The following COMMD10 variants were observed in gnomAD, a reference collection of about 807,000 sequenced individuals.
COMMD10 encodes the protein COMM domain containing 10.
In COMMD10, 33 loss-of-function variants were observed where a neutral mutation model predicts 28.9. That is an observed-to-expected ratio of 1.14 (90% CI 0.87 to 1.53). The LOEUF is 1.53. Ranked by LOEUF, COMMD10 falls within the 40% of genes most tolerant of loss-of-function variation. The probability of loss-of-function intolerance (pLI) is 0.00; values close to 1 mark genes in which losing one functional copy is unlikely to be tolerated. For missense variants in COMMD10, 310 were observed against 233.4 expected (o/e 1.33, Z -2.14); for synonymous variants, 110 against 81.7 (o/e 1.35, Z -1.87).
intron 5 of COMMD10, among the ~76,000 whole-genome samples, chr5:116,284,454 G>A (rs1183788303): frequency 6.6e-6 from 1 of 151,832 alleles, no homozygotes; most frequent in Non-Finnish European, 1.5e-5. Flanking sequence ...ACTCACAGCT[G>A]TCGTTTATGC....
chr5:116,167,035 G>A (rs534926762), intron 5 of COMMD10, among the ~76,000 whole-genome samples: 38 of 152,096 alleles, frequency 2.5e-4, no homozygotes, highest in Non-Finnish European at 4.1e-4. Context: ...CAGAAAATGG[G>A]TTATAACAAA....
intron 5 of COMMD10, among the ~76,000 whole-genome samples, chr5:116,161,970 CAGA>C (rs1752932736): frequency 6.6e-6 from 1 of 152,124 alleles, no homozygotes; most frequent in Admixed American, 6.5e-5. Flanking sequence ...AATGAGAAAC[CAGA>C]AGTTTTTCTC....
chr5:116,217,637 T>C (rs1322639971), intron 5 of COMMD10, among the ~76,000 whole-genome samples: 1 of 152,166 alleles, frequency 6.6e-6, no homozygotes, highest in East Asian at 1.9e-4. Context: ...CCAACAGATG[T>C]CTGGGCTTAA....
chr5:116,279,849 T>A (rs766586058), intron 5 of COMMD10, among the ~76,000 whole-genome samples: 3 of 151,786 alleles, frequency 2.0e-5, no homozygotes, highest in Admixed American at 6.6e-5. Context: ...CCTCTTATTA[T>A]TAAGACAGTG....
At chr5:116,273,741 T>C (rs1750820884) in intron 5 of COMMD10, among the ~76,000 whole-genome samples, 1 of 151,702 alleles carries the variant, frequency 6.6e-6, no homozygotes, top group Non-Finnish European at 1.5e-5. Context: ...GCCTTTGACT[T>C]CTGTTTGTAG....
chr5:116,239,293 C>T (rs150871085), intron 5 of COMMD10, among the ~76,000 whole-genome samples: 1 of 152,242 alleles, frequency 6.6e-6, no homozygotes, highest in East Asian at 1.9e-4. Flanking sequence ...CTATTTCTCC[C>T]ATCAGAACTT....
At chr5:116,255,194 C>G (rs1242652895) in intron 5 of COMMD10, among the ~76,000 whole-genome samples, 1 of 151,700 alleles carries the variant, frequency 6.6e-6, no homozygotes, top group Non-Finnish European at 1.5e-5. Flanking sequence ...ATGTGTGTCT[C>G]TGCCCGTGAG....
At chr5:116,116,876 C>T (rs905779315) in intron 4 of COMMD10, among the ~76,000 whole-genome samples, 2 of 152,142 alleles carry the variant, frequency 1.3e-5, no homozygotes, top group South Asian at 2.1e-4. Context: ...ATTGTTCAGT[C>T]TGATGGGTTT....
chr5:116,233,974 T>C (rs772147095), intron 5 of COMMD10, among the ~76,000 whole-genome samples: 2 of 152,232 alleles, frequency 1.3e-5, no homozygotes, highest in Non-Finnish European at 2.9e-5. Context: ...AGTTTTTACA[T>C]TAACAGAAGA....
chr5:116,146,706 T>G (rs1752361288), intron 5 of COMMD10, among the ~76,000 whole-genome samples: 1 of 151,880 alleles, frequency 6.6e-6, no homozygotes, highest in African/African-American at 2.4e-5. Context: ...GATTTTAGTC[T>G]TTTCAGATTT....
intron 5 of COMMD10, among the ~76,000 whole-genome samples, chr5:116,185,232 A>C (rs1166780620): frequency 7.8e-6 from 1 of 128,218 alleles, no homozygotes; most frequent in Non-Finnish European, 1.5e-5. Flanking sequence ...TAGAATTTTT[A>C]CTTTTTTTTC....
chr5:116,233,237 C>T (rs1749572780), intron 5 of COMMD10, among the ~76,000 whole-genome samples: 1 of 151,974 alleles, frequency 6.6e-6, no homozygotes, highest in Admixed American at 6.6e-5. Flanking sequence ...ATTCTCATGA[C>T]TCTTATTACA....
chr5:116,250,379 T>C (rs1750075664), intron 5 of COMMD10, among the ~76,000 whole-genome samples: 1 of 151,652 alleles, frequency 6.6e-6, no homozygotes, highest in Admixed American at 6.6e-5. Flanking sequence ...GGCGTTTTTA[T>C]TTGTTTAGTT....
intron 5 of COMMD10, chr5:116,217,990 C>T: frequency 4.3e-6 from 4 of 929,496 alleles, no homozygotes; most frequent in South Asian, 2.6e-5. Flanking sequence ...GTTCAGTCAC[C>T]AGAAGTACAC....
At chr5:116,290,307 A>T (rs1291183037) in intron 5 of COMMD10, among the ~76,000 whole-genome samples, 1 of 151,892 alleles carries the variant, frequency 6.6e-6, no homozygotes, top group Non-Finnish European at 1.5e-5. Flanking sequence ...AAACTTCATG[A>T]TTTTATATCA....
intron 5 of COMMD10, among the ~76,000 whole-genome samples, chr5:116,273,327 A>G (rs775713430): frequency 2.0e-5 from 3 of 151,848 alleles, no homozygotes; most frequent in Non-Finnish European, 4.4e-5. Context: ...CATTAAATCT[A>G]TGATTTTGAA....
chr5:116,172,293 A>T (rs1203948001), intron 5 of COMMD10, among the ~76,000 whole-genome samples: 1 of 152,250 alleles, frequency 6.6e-6, no homozygotes, highest in Non-Finnish European at 1.5e-5. Context: ...TGGGAAAGCT[A>T]TTTACACTGC....
At chr5:116,229,991 C>T (rs1033531294) in intron 5 of COMMD10, among the ~76,000 whole-genome samples, 1 of 151,824 alleles carries the variant, frequency 6.6e-6, no homozygotes, top group Non-Finnish European at 1.5e-5. Flanking sequence ...GACTAGCTTA[C>T]TCCCTGTTAA....
chr5:116,101,667 C>T (rs564725616), intron 4 of COMMD10, among the ~76,000 whole-genome samples: 8 of 152,216 alleles, frequency 5.3e-5, no homozygotes, highest in East Asian at 1.9e-4. Context: ...CCTTGTGATC[C>T]GCTTGCCTCA....
Sources: gnomAD v4.1 joint callset for allele counts (sites outside exome capture counted in the v4.1 genomes callset) on GRCh38, gnomAD v4.1.1 for gene constraint, MANE v1.5 for transcripts, NCBI Gene and HGNC (gene_info 2026-07-23, HGNC 2026-07-21) for gene names.